C2CD3: variants seen among roughly 807,000 people sequenced by gnomAD.
C2CD3 encodes the protein C2 domain-containing protein 3.
A neutral mutation model predicts 234.0 loss-of-function variants in C2CD3; 148 were observed. The observed-to-expected ratio is 0.63, with a 90% confidence interval of 0.55 to 0.72. The LOEUF (loss-of-function observed/expected upper bound fraction) is 0.72. Among genes scored for constraint, C2CD3 ranks in the 30% least tolerant of loss-of-function variants. The pLI, the probability that C2CD3 is intolerant of heterozygous loss-of-function variation, is 0.00. For synonymous variants in C2CD3, 1,000 were observed against 1,035.4 expected, an observed-to-expected ratio of 0.97 and a Z score of 0.66; for missense variants, 2,577 against 2,811.5, an observed-to-expected ratio of 0.92 and a Z score of 1.89.
intron 24 of C2CD3, among the ~76,000 whole-genome samples, chr11:74,065,763 AGG>A (rs1954493419): frequency 6.6e-6 from 1 of 150,540 alleles, no homozygotes; most frequent in African/African-American, 2.4e-5. Flanking sequence ...GTCCTTTGTA[AGG>A]ACATGGATGA....
At chr11:74,118,450 C>A in intron 8 of C2CD3, 68 bp from the exon 9 acceptor site, 1 of 1,307,986 alleles carries the variant, frequency 7.6e-7, no homozygotes, top group South Asian at 1.3e-5. Flanking sequence ...CGAAACATTT[C>A]TCTAAAGAAA....
At chr11:74,135,681 T>C (rs932993636) in intron 5 of C2CD3, among the ~76,000 whole-genome samples, 1 of 152,186 alleles carries the variant, frequency 6.6e-6, no homozygotes, top group Non-Finnish European at 1.5e-5. Context: ...TACCCTCTAT[T>C]CTGGTATGTT....
rs201022343 is a variant in C2CD3 at position 74,095,360 on chromosome 11, T to C, written c.3028A>G (p.Ile1010Val). 2.5e-6 allele frequency: 4 copies of C among 1,613,660 alleles called. No individual in the cohort carries two copies. The Admixed American group carries it at 6.7e-5, about 27-fold the overall frequency. The change falls in exon 17 of 33, where the codon ATA becomes GTA. Residue 1010 changes from isoleucine (I) to valine (V), a missense_variant. Transcript: ENST00000334126. Reference protein sequence around the residue: ...GLMEHCFEIHIEMVKGLAPLQ... With the variant: ...GLMEHCFEIHVEMVKGLAPLQ... ...GGGGCTAGCCCTTTAACCATCTCTA[T>C]ATGGATCTCAAAGCAGTGCTCCATC...
chr11:74,150,828 T>A (rs1426699905), intron 3 of C2CD3, among the ~76,000 whole-genome samples: 2 of 152,178 alleles, frequency 1.3e-5, no homozygotes, highest in Non-Finnish European at 2.9e-5. Flanking sequence ...TGAGTCAACA[T>A]TCTAATTTCC....
intron 28 of C2CD3, among the ~76,000 whole-genome samples, chr11:74,043,012 C>T (rs2135423036): frequency 6.6e-6 from 1 of 152,304 alleles, no homozygotes; most frequent in African/African-American, 2.4e-5. Flanking sequence ...AGATATAATT[C>T]ACATGCCATA....
At chr11:74,014,704 G>C (rs1325374000) in intron 32 of C2CD3, among the ~76,000 whole-genome samples, 1 of 152,250 alleles carries the variant, frequency 6.6e-6, no homozygotes, top group African/African-American at 2.4e-5. Context: ...TGGAGGCAGA[G>C]AGATCTGCCT....
chr11:74,026,499 C>T (rs149546262), intron 32 of C2CD3, among the ~76,000 whole-genome samples: 5 of 152,304 alleles, frequency 3.3e-5, no homozygotes, highest in African/African-American at 9.6e-5. Flanking sequence ...AGGACTACAA[C>T]TCTCAGGATA....
intron 24 of C2CD3, among the ~76,000 whole-genome samples, chr11:74,072,570 T>C (rs945023378): frequency 1.2e-4 from 18 of 152,130 alleles, no homozygotes; most frequent in Admixed American, 3.3e-4. Flanking sequence ...TCACAGCCAT[T>C]TACAGATGAG....
At chr11:74,132,699 G>A (rs1957714396) in intron 7 of C2CD3, 145 bp downstream of exon 7, 5 of 727,400 alleles carry the variant, frequency 6.9e-6, no homozygotes, top group South Asian at 5.9e-5. Context: ...GTTTTATTTA[G>A]TAGGCAATAG....
At chr11:74,108,888 G>GATAATA (rs574277591) in intron 12 of C2CD3, 146 bp downstream of exon 12, 250 of 352,874 alleles carry the variant, frequency 7.1e-4, no homozygotes, top group Non-Finnish European at 1.1e-3. Context: ...TAATAATAAT[G>GATAATA]ATAATAATAA....
intron 28 of C2CD3, among the ~76,000 whole-genome samples, chr11:74,042,993 G>A (rs982607096): frequency 4.6e-5 from 7 of 152,072 alleles, no homozygotes; most frequent in African/African-American, 1.4e-4. Flanking sequence ...TTAATTCACC[G>A]CTTTATTGAG....
intron 5 of C2CD3, 60 bp downstream of exon 5, chr11:74,138,660 C>A: frequency 7.3e-7 from 1 of 1,378,388 alleles, no homozygotes; most frequent in South Asian, 1.3e-5. Flanking sequence ...GGCTGGCTAA[C>A]AAGCAGAGCA....
At position 74,161,440 on chromosome 11, in the gene C2CD3, T is replaced by TA. The variant is rs1565358555; in HGVS notation, c.441dup (p.Thr148TyrfsTer8). 8.1e-6 allele frequency: 13 copies of TA among 1,600,234 alleles called. No individual in the cohort carries two copies. Among genetic ancestry groups the TA allele is most frequent in the Non-Finnish European group, 1.1e-5 (13 of 1,172,202 alleles). ...TTCTTAGACGTTGATGAAACAATGG[T>TA]AAAAAATCCATTGATTTGATGGGTT... On this transcript the variant is annotated frameshift_variant, in exon 3 of 33. Transcript: ENST00000334126. LOFTEE classifies it high-confidence loss of function.
intron 31 of C2CD3, among the ~76,000 whole-genome samples, chr11:74,032,549 G>A (rs542606205): frequency 1.3e-5 from 2 of 152,278 alleles, no homozygotes; most frequent in East Asian, 3.9e-4. Flanking sequence ...CATGGTGCCT[G>A]TTTAGCTCCA....
chr11:74,117,025 TATATGTATATATAC>T lies in C2CD3; in HGVS notation c.1520+1189_1520+1202del, dbSNP rs1224466984. Among the ~76,000 whole-genome samples the T allele has an allele frequency of 1.6e-4, 19 of 116,124 alleles. 1 individual carries two copies. Among genetic ancestry groups the T allele is most frequent in the African/African-American group, 6.0e-4 (17 of 28,240 alleles). The allele number at this position is 116,124 out of a possible 152,430, so 76.2% of individuals were successfully genotyped here. A position where few individuals can be genotyped will look rare whatever the true frequency, so the allele number is the denominator to read the frequency against. ...ATGTATATATACACATATATACGTG[TATATGTATATATAC>T]GTGTGTGTGTATATATATATGAATA... On this transcript the variant is annotated intron_variant, in intron 9 of 32. Transcript: ENST00000334126.
intron 1 of C2CD3, 76 bp downstream of exon 1, chr11:74,170,662 G>A (rs1408122651): frequency 1.3e-6 from 2 of 1,514,596 alleles, no homozygotes; most frequent in African/African-American, 2.7e-5. Flanking sequence ...ATCCAGCGGG[G>A]GTGCGGGTCT....
intron 16 of C2CD3, among the ~76,000 whole-genome samples, chr11:74,097,591 C>A (rs1233520872): frequency 6.6e-6 from 1 of 152,142 alleles, no homozygotes; most frequent in African/African-American, 2.4e-5. Flanking sequence ...CTGGACAGCA[C>A]CATACAAAAA....
chr11:74,090,876 G>GC lies in C2CD3; in HGVS notation c.3577dup (p.Ala1193GlyfsTer26). ...GACTGAGATGGAAACAGTTCGGGCA[G>GC]CAAGAACTCCCTCTGCTGTTCTTGG... On this transcript the variant is annotated frameshift_variant, in exon 20 of 33. Transcript: ENST00000334126. LOFTEE classifies it high-confidence loss of function. 3 of 1,614,060 alleles carry GC rather than the reference G, an allele frequency of 1.9e-6. No individual in the cohort carries two copies. The highest frequency in any genetic ancestry group is 2.5e-6 in the Non-Finnish European group (3 of 1,179,946).
chr11:74,123,008 T>G lies in C2CD3; in HGVS notation c.1345A>C (p.Asn449His), dbSNP rs1369705826. 11 of 1,613,382 alleles carry G rather than the reference T, an allele frequency of 6.8e-6. No homozygotes were observed. Among genetic ancestry groups the G allele is most frequent in the Non-Finnish European group, 9.3e-6 (11 of 1,179,560 alleles). The part of the protein sequence containing the change: ...DPQYDQSLLE[N>H]LFYTAPKSDT... Reference sequence around the variant, plus strand: ...CTTACAGGTGCTGTATAAAATAAATTCTCCAGAAGACTCTGGTCATACTGA... The same window carrying G: ...CTTACAGGTGCTGTATAAAATAAATGCTCCAGAAGACTCTGGTCATACTGA... The change falls in exon 8 of 33, where the codon AAT (asparagine) becomes CAT (histidine). Residue 449 changes from asparagine to histidine, a missense_variant. By Grantham distance (68) the Asn-to-His change is moderately conservative. Transcript: ENST00000334126.
Sources: gnomAD v4.1 joint callset for allele counts (sites outside exome capture counted in the v4.1 genomes callset) on GRCh38, gnomAD v4.1.1 for gene constraint, MANE v1.5 for transcripts, NCBI Gene and HGNC (gene_info 2026-07-23, HGNC 2026-07-21) for gene names.